Variants in ANGPT1 observed in about 807,000 individuals in gnomAD.
ANGPT1 encodes the protein angiopoietin-1.
A neutral mutation model predicts 62.2 loss-of-function variants in ANGPT1; 17 were observed. That is an observed-to-expected ratio of 0.27 (90% CI 0.19 to 0.41). The LOEUF is 0.41. Among genes scored for constraint, ANGPT1 ranks in the 10% least tolerant of loss-of-function variants. The pLI, the probability that ANGPT1 is intolerant of heterozygous loss-of-function variation, is 1.00. For synonymous variants in ANGPT1, 199 were observed against 198.9 expected, an observed-to-expected ratio of 1.00 and a Z score of 0.00; for missense variants, 478 against 594.9, an observed-to-expected ratio of 0.80 and a Z score of 2.04.
At chr8:107,404,615 T>A (rs1275399170) in intron 1 of ANGPT1, among the ~76,000 whole-genome samples, 5 of 152,244 alleles carry the variant, frequency 3.3e-5, no homozygotes, top group South Asian at 2.1e-4. Flanking sequence ...ACATTTAGAT[T>A]GTCCCCAGTA....
chr8:107,333,667 C>T (rs941933270), intron 3 of ANGPT1, among the ~76,000 whole-genome samples: 2 of 152,058 alleles, frequency 1.3e-5, no homozygotes, highest in African/African-American at 4.8e-5. Context: ...CTTTGAGATA[C>T]TGAAGTGCAT....
rs150632940 is a variant in ANGPT1, at chr8:107,269,318, A to T, written c.1206-4967T>A. The stretch of plus-strand genomic sequence containing the variant: ...AGTATTTCTGTAATTAGATTTAAAA[A>T]AAAAAAACTTCTTTGAGTTGAGGCT... On this transcript the variant is annotated intron_variant, in intron 7 of 8. Transcript: ENST00000517746. Among the ~76,000 whole-genome samples, 115 of 152,188 alleles carry T rather than the reference A, an allele frequency of 7.6e-4. No homozygotes were observed. The East Asian group carries it at 0.018, about 24-fold the overall frequency.
At chr8:107,404,143 A>T (rs2130338885) in intron 1 of ANGPT1, among the ~76,000 whole-genome samples, 1 of 152,264 alleles carries the variant, frequency 6.6e-6, no homozygotes. Flanking sequence ...AAATACTCTT[A>T]TTTTGTAGAG....
At chr8:107,378,937 TATATATATATACTCTA>T (rs931380323) in intron 1 of ANGPT1, among the ~76,000 whole-genome samples, 1 of 150,084 alleles carries the variant, frequency 6.7e-6, no homozygotes, top group Non-Finnish European at 1.5e-5. Flanking sequence ...CACATACATA[TATATATATATACTCTA>T]TTATATATAA....
At chr8:107,268,313 T>C (rs1053020225) in intron 7 of ANGPT1, among the ~76,000 whole-genome samples, 48 of 152,204 alleles carry the variant, frequency 3.2e-4, no homozygotes, top group African/African-American at 1.1e-3. Context: ...GTATAGCTTT[T>C]ACATCTCATT....
intron 4 of ANGPT1, among the ~76,000 whole-genome samples, chr8:107,321,260 A>G (rs1815142771): frequency 6.6e-6 from 1 of 152,104 alleles, no homozygotes; most frequent in Non-Finnish European, 1.5e-5. Context: ...CATTCTAGTG[A>G]TATCAAAAAT....
intron 2 of ANGPT1, among the ~76,000 whole-genome samples, chr8:107,336,700 T>TACTTATATTC (rs1480373424): frequency 6.7e-6 from 1 of 149,278 alleles, no homozygotes; most frequent in Non-Finnish European, 1.5e-5. Flanking sequence ...GTTTACATTC[T>TACTTATATTC]ACTTATATTC....
intron 1 of ANGPT1, among the ~76,000 whole-genome samples, chr8:107,400,752 T>G (rs147694245): frequency 6.6e-6 from 1 of 151,840 alleles, no homozygotes; most frequent in African/African-American, 2.4e-5. Context: ...TAAAGACGGG[T>G]TTTCACCATA....
chr8:107,362,211 C>T (rs547048905), intron 1 of ANGPT1, among the ~76,000 whole-genome samples: 3 of 152,246 alleles, frequency 2.0e-5, no homozygotes, highest in Admixed American at 6.5e-5. Flanking sequence ...TAACAGGCAA[C>T]GTGCCATGAA....
chr8:107,340,997 A>C (rs1031005467), intron 2 of ANGPT1, among the ~76,000 whole-genome samples: 1 of 152,182 alleles, frequency 6.6e-6, no homozygotes, highest in South Asian at 2.1e-4. Context: ...AAAATGATTG[A>C]AGTAATTTAC....
chr8:107,325,446 G>A (rs1326932279), intron 3 of ANGPT1, among the ~76,000 whole-genome samples: 1 of 152,108 alleles, frequency 6.6e-6, no homozygotes, highest in African/African-American at 2.4e-5. Context: ...TATTAAACTG[G>A]CAAGCATGTA....
Position 107,497,311 on chromosome 8 carries a change from A to C in ANGPT1, c.248T>G (p.Leu83Arg). 1 of 1,614,212 alleles carries C rather than the reference A, an allele frequency of 6.2e-7. No homozygotes were observed. Among genetic ancestry groups the C allele is most frequent in the Non-Finnish European group, 8.5e-7 (1 of 1,180,026 alleles). Residue 83 changes from leucine (L) to arginine (R), a missense_variant, in exon 1 of 9, where the codon CTT becomes CGT. Around this residue, in one of 4 missense-constraint regions of ANGPT1, gnomAD observed 343 missense variants for 355.4 expected, o/e 0.97. Transcript: ENST00000517746. ...HVEPDFSSQKLQHLEHVMENY... is the reference protein window; with the variant it reads ...HVEPDFSSQKRQHLEHVMENY... ...TTCCATCACATGTTCCAGATGTTGA[A>C]GTTTCTGGGAAGAGAAATCCGGTTC... is the stretch of plus-strand genomic sequence containing the variant.
At chr8:107,430,539 T>C (rs567492178) in intron 1 of ANGPT1, among the ~76,000 whole-genome samples, 1 of 152,204 alleles carries the variant, frequency 6.6e-6, no homozygotes, top group Non-Finnish European at 1.5e-5. Flanking sequence ...TTCTAAACCT[T>C]GGAACTTGTG....
chr8:107,402,438 A>G (rs1452809786), intron 1 of ANGPT1, among the ~76,000 whole-genome samples: 1 of 152,204 alleles, frequency 6.6e-6, no homozygotes, highest in Non-Finnish European at 1.5e-5. Flanking sequence ...CACTTATTAG[A>G]TAAATGTGTA....
At chr8:107,470,519 T>A (rs1448467386) in intron 1 of ANGPT1, among the ~76,000 whole-genome samples, 1 of 152,104 alleles carries the variant, frequency 6.6e-6, no homozygotes, top group Non-Finnish European at 1.5e-5. Flanking sequence ...TCTTTGTAGA[T>A]TCTAGATATT....
At chr8:107,438,387 T>G (rs372160385) in intron 1 of ANGPT1, among the ~76,000 whole-genome samples, 5 of 152,314 alleles carry the variant, frequency 3.3e-5, no homozygotes, top group African/African-American at 1.2e-4. Flanking sequence ...TGATATTTCC[T>G]GATAAAGACT....
intron 1 of ANGPT1, among the ~76,000 whole-genome samples, chr8:107,401,705 G>T (rs1004512340): frequency 6.6e-6 from 1 of 152,118 alleles, no homozygotes; most frequent in South Asian, 2.1e-4. Context: ...ATAATATGAT[G>T]AAATTCCTTG....
rs533534673 is a variant in ANGPT1 at position 107,453,636 on chromosome 8, C to G, written c.297+43626G>C. On this transcript the variant is annotated intron_variant, in intron 1 of 8. Coordinates refer to ENST00000517746, the MANE Select transcript of ANGPT1 (RefSeq NM_001146.5). ...TCAAGAAGAGATTTGGGTGGGGACA[C>G]AGCCAAACCATATCAAAGTTTTATT... 1.1e-4 allele frequency among the ~76,000 whole-genome samples: 17 copies of G among 152,140 alleles called. 1 individual carries two copies. The South Asian group carries it at 3.1e-3, about 28-fold the overall frequency.
At chr8:107,428,535 T>C (rs1811094056) in intron 1 of ANGPT1, among the ~76,000 whole-genome samples, 1 of 152,190 alleles carries the variant, frequency 6.6e-6, no homozygotes, top group African/African-American at 2.4e-5. Context: ...GCTCCTTCAT[T>C]TGGTCATCCC....
Sources: gnomAD v4.1 joint callset for allele counts (sites outside exome capture counted in the v4.1 genomes callset) on GRCh38, gnomAD v4.1.1 for gene constraint, gnomAD v4.1.1 regional missense constraint, MANE v1.5 for transcripts, NCBI Gene and HGNC (gene_info 2026-07-23, HGNC 2026-07-21) for gene names.